Variants in TLE3 observed in about 807,000 individuals in gnomAD.
The protein encoded by TLE3 is TLE family member 3, transcriptional corepressor.
TLE3 carries 14 observed loss-of-function variants against 93.0 expected under a neutral mutation model. That is an observed-to-expected ratio of 0.15 (90% CI 0.10 to 0.24). The LOEUF (loss-of-function observed/expected upper bound fraction) is 0.24. TLE3 is among the 10% of genes least tolerant of loss of function. The probability of loss-of-function intolerance (pLI) is 1.00; values close to 1 mark genes in which losing one functional copy is unlikely to be tolerated. For synonymous variants in TLE3, 451 were observed against 425.0 expected (o/e 1.06, Z -0.75); for missense variants, 693 against 1,046.6 (o/e 0.66, Z 4.66).
intron 1 of TLE3, 80 bp from the exon 2 acceptor site, chr15:70,096,341 G>C: frequency 6.6e-7 from 1 of 1,521,800 alleles, no homozygotes; most frequent in Non-Finnish European, 8.8e-7. Context: ...CCTCCCCAAC[G>C]GCGCCCAACC....
At position 70,094,000 on chromosome 15, in the gene TLE3, A is replaced by T. The variant is rs544539192; in HGVS notation, c.234+532T>A. Among the ~76,000 whole-genome samples the T allele has an allele frequency of 2.6e-5, 4 of 152,290 alleles. No individual in the cohort carries two copies. In the East Asian group the frequency reaches 7.7e-4, roughly 29 times the overall value. ...GCCACCTTGTCAATGCAAGGCACTG[A>T]AGTTGTATTTCATTCTGGCTTCATA... is the stretch of plus-strand genomic sequence containing the variant. On this transcript the variant is annotated intron_variant, in intron 4 of 19. Coordinates refer to ENST00000451782, the MANE Select transcript of TLE3 (RefSeq NM_001105192.3).
intron 4 of TLE3, among the ~76,000 whole-genome samples, chr15:70,080,660 T>C (rs2057729419): frequency 1.3e-5 from 2 of 152,166 alleles, no homozygotes; most frequent in African/African-American, 4.8e-5. Context: ...ATTTGCATGA[T>C]CATCTCCTCA....
intron 18 of TLE3, 119 bp downstream of exon 18, chr15:70,052,255 G>A (rs2055616310): frequency 4.5e-6 from 6 of 1,320,332 alleles, no homozygotes; most frequent in Admixed American, 2.3e-5. Context: ...GGGTCAGGAG[G>A]CCTGGTTCCA....
At chr15:70,096,532 G>C (rs2058571343) in intron 1 of TLE3, 1 of 1,345,290 alleles carries the variant, frequency 7.4e-7, no homozygotes, top group Non-Finnish European at 1.0e-6. Context: ...GGAGACTTCA[G>C]AGCGGGGCCG....
chr15:70,055,563 G>GGTACGGCGA, intron 14 of TLE3: 1 of 399,258 alleles, frequency 2.5e-6, no homozygotes, highest in South Asian at 8.6e-5. Context: ...GTCCTGGAAT[G>GGTACGGCGA]CCCTTTCCCA....
At position 70,094,774 on chromosome 15, in the gene TLE3, G is replaced by A. The variant is rs190061647; in HGVS notation, c.190-198C>T. The A allele has an allele frequency of 1.8e-4, 101 of 571,698 alleles. No individual in the cohort carries two copies. The East Asian group carries it at 1.9e-3, about 11-fold the overall frequency. 35.4% of individuals were successfully genotyped at this position (571,698 alleles called of 1,614,324 possible). On this transcript the variant is annotated intron_variant, in intron 3 of 19. Transcript: ENST00000451782. ...GGCGAGCGTTCCTCTCATCTCAACAGAACGTTATATTATGTGGTAGTAAGG... is the reference window on the plus strand; with the variant it reads ...GGCGAGCGTTCCTCTCATCTCAACAAAACGTTATATTATGTGGTAGTAAGG...
At chr15:70,079,235 T>C in intron 4 of TLE3, 1 of 367,922 alleles carries the variant, frequency 2.7e-6, no homozygotes, top group East Asian at 1.0e-4. Context: ...GCCACACAGA[T>C]GCAGAACCTT....
rs1008236157 is a variant in TLE3, at chr15:70,049,738, G to A, written c.*359C>T. 7 of 211,784 alleles carry A rather than the reference G, an allele frequency of 3.3e-5. No individual in the cohort carries two copies. The highest frequency in any genetic ancestry group is 8.6e-5 in the South Asian group (1 of 11,640). 13.1% of individuals were successfully genotyped at this position (211,784 alleles called of 1,614,324 possible). A position where few individuals can be genotyped will look rare whatever the true frequency, so the allele number is the denominator to read the frequency against. On this transcript the variant is annotated 3_prime_UTR_variant, in exon 20 of 20. Coordinates refer to ENST00000451782, the MANE Select transcript of TLE3 (RefSeq NM_001105192.3). ...CATTGTGGTCCACTCCAGCACCCCC[G>A]ACCCAAGGTGAGGGACAGGGCAAAA...
At chr15:70,065,979 G>GGCCCC in intron 7 of TLE3, 35 bp downstream of exon 7, 8 of 1,089,096 alleles carry the variant, frequency 7.3e-6, no homozygotes, top group Non-Finnish European at 1.1e-5. Flanking sequence ...GCCCACCCCT[G>GGCCCC]CCCCGCCCCA....
chr15:70,079,643 G>C (rs1342902270), intron 4 of TLE3, among the ~76,000 whole-genome samples: 1 of 151,844 alleles, frequency 6.6e-6, no homozygotes, highest in African/African-American at 2.4e-5. Context: ...GCATGAACAG[G>C]AAAGCTGTTC....
At chr15:70,064,249 A>G (rs1255215705) in intron 8 of TLE3, among the ~76,000 whole-genome samples, 3 of 152,220 alleles carry the variant, frequency 2.0e-5, no homozygotes, top group Admixed American at 2.0e-4. Flanking sequence ...CTCTGGACTA[A>G]GACATCAGCA....
At chr15:70,050,285 T>G in intron 19 of TLE3, 81 bp from the exon 20 acceptor site, 4 of 1,074,646 alleles carry the variant, frequency 3.7e-6, no homozygotes, top group Non-Finnish European at 5.8e-6. Flanking sequence ...TTTCCAGTGC[T>G]CAACACCATC....
chr15:70,057,786 C>G (rs746946744), intron 12 of TLE3, 128 bp from the exon 13 acceptor site: 84 of 1,198,214 alleles, frequency 7.0e-5, no homozygotes, highest in Non-Finnish European at 8.4e-5. Context: ...TCAGACTGAA[C>G]CCACCCAAGT....
In TLE3 at chr15:70,057,602, T is replaced by C; in HGVS notation, c.1108A>G (p.Met370Val). The C allele has an allele frequency of 6.3e-7, 1 of 1,595,100 alleles. No individual in the cohort carries two copies. Among genetic ancestry groups the C allele is most frequent in the Non-Finnish European group, 8.5e-7 (1 of 1,172,390 alleles). The change falls in exon 13 of 20, where the codon ATG (methionine) becomes GTG (valine). Residue 370 changes from methionine (M) to valine (V), a missense_variant. By Grantham distance (21) the Met-to-Val change is conservative. This residue lies in a region of TLE3 where 405 missense variants were observed against 468.9 expected (regional missense o/e 0.86). Transcript: ENST00000451782. ...CCGTTCATCTCATGGTGGCTCATCA[T>C]GGCGAAGGGCGCCGCATAGGAGCTG... ...ITSSYAAPFA[M>V]MSHHEMNGSL... is the part of the protein sequence containing the mutation.
chr15:70,080,516 C>T (rs1340926661), intron 4 of TLE3, among the ~76,000 whole-genome samples: 2 of 152,152 alleles, frequency 1.3e-5, no homozygotes, highest in African/African-American at 4.8e-5. Context: ...GCACTACCAA[C>T]TGGGCGCTGG....
Position 70,058,941 on chromosome 15 carries a change from G to A in TLE3, c.766-126C>T. On this transcript the variant is annotated intron_variant, in intron 10 of 19. Coordinates refer to ENST00000451782, the MANE Select transcript of TLE3 (RefSeq NM_001105192.3). This position sits in a 1 kb window ranked among gnomAD's most constrained non-coding sequence, Gnocchi z 4.1. ...GACGAGCTTGGCTGAAAGACTGGGG[G>A]CCCCACAGTGAGGAAAAACTAGCTC... The A allele has an allele frequency of 7.6e-7, 1 of 1,315,732 alleles. No homozygotes were observed. Among genetic ancestry groups the A allele is most frequent in the Non-Finnish European group, 1.0e-6 (1 of 996,236 alleles). The allele number at this position is 1,315,732 out of a possible 1,614,324, so 81.5% of individuals were successfully genotyped here. A position where few individuals can be genotyped will look rare whatever the true frequency, so the allele number is the denominator to read the frequency against.
intron 4 of TLE3, among the ~76,000 whole-genome samples, chr15:70,085,645 G>C (rs1389451248): frequency 6.6e-6 from 1 of 152,238 alleles, no homozygotes; most frequent in Non-Finnish European, 1.5e-5. Context: ...CCAGGCCTGT[G>C]GGTGCCTGCC....
chr15:70,056,487 C>T (rs1357907441), intron 13 of TLE3, 113 bp from the exon 14 acceptor site: 3 of 933,050 alleles, frequency 3.2e-6, no homozygotes, highest in Non-Finnish European at 5.0e-6. Flanking sequence ...CACTTTGTAA[C>T]CCAAGAGACA....
intron 9 of TLE3, 47 bp from the exon 10 acceptor site, chr15:70,059,507 C>G (rs769562985): frequency 1.3e-6 from 2 of 1,571,260 alleles, no homozygotes; most frequent in South Asian, 1.2e-5. Flanking sequence ...GCCACACTTT[C>G]CCCACCCCTG....
Sources: gnomAD v4.1 joint callset for allele counts (sites outside exome capture counted in the v4.1 genomes callset) on GRCh38, gnomAD v4.1.1 for gene constraint, gnomAD v4.1.1 regional missense constraint, Gnocchi (gnomAD v3.1) non-coding constraint, MANE v1.5 for transcripts, NCBI Gene and HGNC (gene_info 2026-07-23, HGNC 2026-07-21) for gene names.